The following GRK1 variants were observed in gnomAD, a reference collection of about 807,000 sequenced individuals.
GRK1 encodes the protein rhodopsin kinase GRK1.
A neutral mutation model predicts 41.7 loss-of-function variants in GRK1; 28 were observed. That is an observed-to-expected ratio of 0.67 (90% CI 0.50 to 0.92). GRK1 has a LOEUF of 0.92. GRK1 is among the 40% of genes least tolerant of loss of function. The pLI is 0.00. For synonymous variants in GRK1, 327 were observed against 286.7 expected (o/e 1.14, Z -1.42); for missense variants, 703 against 671.2 (o/e 1.05, Z -0.52).
chr13:113,671,557 T>C lies in GRK1; in HGVS notation c.886T>C (p.Phe296Leu). ...NPGFPEPRAL[F>L]YTAQIICGLE... ...TGGCTTCCCGGAGCCGCGCGCCCTCTTCTACACGGCGCAGATCATCTGCGG... is the reference window on the plus strand; with the variant it reads ...TGGCTTCCCGGAGCCGCGCGCCCTCCTCTACACGGCGCAGATCATCTGCGG... The change falls in exon 3 of 7, where the codon TTC (phenylalanine) becomes CTC (leucine). Residue 296 changes from phenylalanine to leucine, a missense_variant. Transcript: ENST00000335678. The surrounding 1 kb of genome is among the most constrained non-coding windows in gnomAD (Gnocchi z 4.1). 1.3e-6 allele frequency: 1 copy of C among 778,080 alleles called. No individual in the cohort carries two copies. The highest frequency in any genetic ancestry group is 2.4e-6 in the Non-Finnish European group (1 of 417,914). The allele number at this position is 778,080 out of a possible 1,614,324, so 48.2% of individuals were successfully genotyped here.
chr13:113,728,039 T>C, intron 4 of GRK1, among the ~76,000 whole-genome samples: 1 of 68,928 alleles, frequency 1.5e-5, no homozygotes, highest in Admixed American at 1.6e-4. Flanking sequence ...CGATGAGGAG[T>C]ACCCATGGCG....
At chr13:113,650,288 C>A in the GRK1 span, 1 of 956,620 alleles carries the variant, frequency 1.0e-6, no homozygotes. This position sits in a 1 kb window ranked among gnomAD's most constrained non-coding sequence, Gnocchi z 5.0. Flanking sequence ...CAGTCAGGAC[C>A]GGCTAAGTCA....
chr13:113,724,183 G>A (rs936121154), intron 4 of GRK1, among the ~76,000 whole-genome samples: 5 of 152,080 alleles, frequency 3.3e-5, no homozygotes, highest in Admixed American at 1.3e-4. Context: ...ACCTGCTGGC[G>A]TGTGGCCTGT....
chr13:113,730,301 C>T (rs1003986270), intron 4 of GRK1, among the ~76,000 whole-genome samples: 1 of 141,794 alleles, frequency 7.1e-6, no homozygotes, highest in African/African-American at 2.6e-5. Context: ...TGCACCCAGA[C>T]CCGTCCCTCC....
Position 113,733,086 on chromosome 13 carries a change from G to A in GRK1, c.1396+1G>A. 2 of 1,535,474 alleles carry A rather than the reference G, an allele frequency of 1.3e-6. No individual in the cohort carries two copies. The highest frequency in any genetic ancestry group is 1.2e-5 in the South Asian group (1 of 83,996). On this transcript the variant is annotated splice_donor_variant, in intron 6 of 6. Transcript: ENST00000335678. LOFTEE classifies it high-confidence loss of function. ...CTTAACTGGAGGCAGCTGGAGGCTGGTACTGTTGGACGCCTCAGCCCCGGA... is the reference window on the plus strand; with the variant it reads ...CTTAACTGGAGGCAGCTGGAGGCTGATACTGTTGGACGCCTCAGCCCCGGA...
At position 113,671,550 on chromosome 13, in the gene GRK1, C is replaced by T. The variant is rs777407847; in HGVS notation, c.879C>T (p.Arg293=). 29 of 778,560 alleles carry T rather than the reference C, an allele frequency of 3.7e-5. No individual in the cohort carries two copies. The highest frequency in any genetic ancestry group is 6.8e-5 in the African/African-American group (4 of 59,132). The allele number at this position is 778,560 out of a possible 1,614,324, so 48.2% of individuals were successfully genotyped here. The change falls in exon 3 of 7, where the codon CGC becomes CGT. Residue 293 remains arginine, a synonymous_variant. Transcript: ENST00000335678. This position sits in a 1 kb window ranked among gnomAD's most constrained non-coding sequence, Gnocchi z 4.1. ...NEENPGFPEP[R]ALFYTAQIIC... is the part of the protein sequence containing the mutation. Reference sequence around the variant, plus strand: ...AGAACCCTGGCTTCCCGGAGCCGCGCGCCCTCTTCTACACGGCGCAGATCA... The same window carrying T: ...AGAACCCTGGCTTCCCGGAGCCGCGTGCCCTCTTCTACACGGCGCAGATCA...
At chr13:113,724,505 C>G (rs999140517) in intron 4 of GRK1, among the ~76,000 whole-genome samples, 2 of 152,086 alleles carry the variant, frequency 1.3e-5, no homozygotes, top group African/African-American at 4.8e-5. Context: ...GTGCCGTGGC[C>G]ACGGGGGGGA....
At chr13:113,724,898 G>C (rs1329155933) in intron 4 of GRK1, among the ~76,000 whole-genome samples, 1 of 152,254 alleles carries the variant, frequency 6.6e-6, no homozygotes, top group Admixed American at 6.5e-5. Flanking sequence ...GGGAGATCCA[G>C]GTGGACTCCG....
In GRK1 at chr13:113,671,506, A is replaced by T; in HGVS notation, c.835A>T (p.Ile279Phe). 1.3e-6 allele frequency: 1 copy of T among 779,398 alleles called. No individual in the cohort carries two copies. The highest frequency in any genetic ancestry group is 2.4e-6 in the Non-Finnish European group (1 of 417,956). The allele number at this position is 779,398 out of a possible 1,614,324, so 48.3% of individuals were successfully genotyped here. Residue 279 changes from isoleucine to phenylalanine, a missense_variant, in exon 3 of 7, where the codon ATC (isoleucine) becomes TTC (phenylalanine). Ile to Phe is a conservative substitution (Grantham distance 21). Coordinates refer to ENST00000335678, the MANE Select transcript of GRK1 (RefSeq NM_002929.3). The surrounding 1 kb of genome is among the most constrained non-coding windows in gnomAD (Gnocchi z 4.1). ...IMNGGDIRYH[I>F]YNVNEENPGF... The stretch of plus-strand genomic sequence containing the variant: ...CCACGTGTCTTCCCCCAGGTACCAC[A>T]TCTACAACGTGAATGAGGAGAACCC...
At chr13:113,669,876 G>A in intron 2 of GRK1, 62 bp downstream of exon 2, 1 of 1,596,176 alleles carries the variant, frequency 6.3e-7, no homozygotes, top group South Asian at 1.1e-5. Flanking sequence ...GGGTTTCCAG[G>A]GCCCGGGCTC....
intron 2 of GRK1, among the ~76,000 whole-genome samples, chr13:113,670,861 AG>A (rs2049852331): frequency 7.0e-6 from 1 of 143,776 alleles, no homozygotes; most frequent in Admixed American, 6.8e-5. Context: ...GTCCAGGAGG[AG>A]GGGAGGGGTG....
chr13:113,735,273 G>T lies in GRK1; in HGVS notation c.1602G>T (p.Trp534Cys). 3.3e-6 allele frequency: 5 copies of T among 1,536,716 alleles called. No individual in the cohort carries two copies. Among genetic ancestry groups the T allele is most frequent in the Non-Finnish European group, 4.4e-6 (5 of 1,146,574 alleles). Reference sequence around the variant, plus strand: ...GCATCTTTGGCGAGCTGAACGTGTGGCGCTCGGACGGTCAGATGCCGGACG... The same window carrying T: ...GCATCTTTGGCGAGCTGAACGTGTGTCGCTCGGACGGTCAGATGCCGGACG... ...ETGIFGELNV[W>C]RSDGQMPDDM... Residue 534 changes from tryptophan to cysteine, a missense_variant, in exon 7 of 7, where the codon TGG (tryptophan) becomes TGT (cysteine). Transcript: ENST00000335678.
chr13:113,659,090 A>G, the GRK1 span, among the ~76,000 whole-genome samples: 1 of 152,212 alleles, frequency 6.6e-6, no homozygotes, highest in African/African-American at 2.4e-5. Context: ...ATCACTGCCC[A>G]CTTCCGCCCG....
the GRK1 span, among the ~76,000 whole-genome samples, chr13:113,657,565 T>C: frequency 1 from 151,694 of 152,324 alleles, 75,553 homozygotes; most frequent in Middle Eastern, 1. Flanking sequence ...GAGGCAGGCC[T>C]GGTTTACTCC....
In GRK1 at chr13:113,735,317, G is replaced by A; in HGVS notation, c.1646G>A (p.Gly549Glu). 6.5e-7 allele frequency: 1 copy of A among 1,530,318 alleles called. No individual in the cohort carries two copies. The highest frequency in any genetic ancestry group is 2.5e-5 in the East Asian group (1 of 40,714). The allele number at this position is 1,530,318 out of a possible 1,614,324, so 94.8% of individuals were successfully genotyped here. ...QMPDDMKGIS[G>E]GSSSSSKSGM... Reference sequence around the variant, plus strand: ...CCGGACGACATGAAGGGCATCTCCGGGGGCTCCAGCTCCTCGTCCAAGTCA... The same window carrying A: ...CCGGACGACATGAAGGGCATCTCCGAGGGCTCCAGCTCCTCGTCCAAGTCA... The change falls in exon 7 of 7, where the codon GGG becomes GAG. Residue 549 changes from glycine (G) to glutamate (E), a missense_variant. Physicochemically the swap from Gly to Glu is moderately conservative, Grantham distance 98 (BLOSUM62 -2). Coordinates refer to ENST00000335678, the MANE Select transcript of GRK1 (RefSeq NM_002929.3).
At chr13:113,659,513 A>T in the GRK1 span, among the ~76,000 whole-genome samples, 3 of 152,126 alleles carry the variant, frequency 2.0e-5, no homozygotes, top group Admixed American at 6.5e-5. Context: ...TTTGCAAAAT[A>T]ATTGCCCTAA....
intron 4 of GRK1, among the ~76,000 whole-genome samples, chr13:113,727,301 G>A (rs74195078): frequency 0.51 from 78,043 of 152,204 alleles, 20,871 homozygotes; most frequent in Middle Eastern, 0.66. Flanking sequence ...ACAAGAGGGC[G>A]GAGCACTCAG....
rs766909455 is a variant in GRK1, at chr13:113,732,891, A to C, written c.1202A>C (p.Asn401Thr). Residue 401 changes from asparagine (N) to threonine (T), a missense_variant, in exon 6 of 7, where the codon AAC (asparagine) becomes ACC (threonine). Coordinates refer to ENST00000335678, the MANE Select transcript of GRK1 (RefSeq NM_002929.3). ...PFRARGEKVENKELKHRIISE... is the reference protein window; with the variant it reads ...PFRARGEKVETKELKHRIISE... ...CTACGCGTGTCCCCACAGGTGGAGA[A>C]CAAGGAGCTGAAGCACCGGATCATC... is the stretch of plus-strand genomic sequence containing the variant. The C allele has an allele frequency of 6.5e-7, 1 of 1,536,578 alleles. No individual in the cohort carries two copies. The highest frequency in any genetic ancestry group is 2.0e-5 in the Admixed American group (1 of 50,996).
chr13:113,734,001 TGCG>T (rs2049980762), intron 6 of GRK1, among the ~76,000 whole-genome samples: 1 of 136,222 alleles, frequency 7.3e-6, no homozygotes, highest in African/African-American at 3.5e-5. Context: ...TACATGTGTG[TGCG>T]TGTGCGTGCA....
Sources: allele counts gnomAD v4.1 joint callset (sites outside exome capture counted in the v4.1 genomes callset), GRCh38; gene constraint gnomAD v4.1.1; non-coding constraint Gnocchi (gnomAD v3.1); transcripts MANE v1.5; gene names NCBI Gene and HGNC (gene_info 2026-07-23, HGNC 2026-07-21).